The following RAB2A variants were observed in gnomAD, a reference collection of about 807,000 sequenced individuals.
RAB2A encodes the protein ras-related protein Rab-2A.
Under a neutral mutation model 32.5 loss-of-function variants are expected in RAB2A, and 7 were observed. The ratio of observed to expected loss-of-function variants is 0.22; its 90% CI spans 0.12 to 0.40. RAB2A has a LOEUF of 0.40. RAB2A is among the 10% of genes least tolerant of loss of function. RAB2A has a pLI of 1.00. For missense variants in RAB2A, 108 were observed against 260.7 expected, an observed-to-expected ratio of 0.41 and a Z score of 4.03; for synonymous variants, 79 against 85.2, an observed-to-expected ratio of 0.93 and a Z score of 0.40.
chr8:60,567,119 CTT>C (rs759099870), intron 2 of RAB2A, among the ~76,000 whole-genome samples: 25 of 139,246 alleles, frequency 1.8e-4, no homozygotes, highest in Admixed American at 2.2e-4. Flanking sequence ...TTCTTTTTTT[CTT>C]TTTTTTTTTT....
intron 1 of RAB2A, among the ~76,000 whole-genome samples, chr8:60,530,381 T>C (rs10957142): frequency 0.53 from 80,900 of 151,768 alleles, 24,419 homozygotes; most frequent in African/African-American, 0.83. Context: ...CCTGACCTCA[T>C]GTGATCTGCC....
chr8:60,549,837 T>A (rs73259438), intron 1 of RAB2A, among the ~76,000 whole-genome samples: 12,431 of 152,080 alleles, frequency 0.082, 1,550 homozygotes, highest in African/African-American at 0.27. Flanking sequence ...AAGTTGTTTT[T>A]TGGTAAAGAT....
At chr8:60,546,039 A>G (rs1180045138) in intron 1 of RAB2A, among the ~76,000 whole-genome samples, 1 of 152,234 alleles carries the variant, frequency 6.6e-6, no homozygotes, top group Non-Finnish European at 1.5e-5. Context: ...TGTTGTAAAA[A>G]CAGGCATTTA....
chr8:60,555,974 A>G (rs1807931747), intron 1 of RAB2A, among the ~76,000 whole-genome samples: 1 of 152,214 alleles, frequency 6.6e-6, no homozygotes, highest in Admixed American at 6.5e-5. Context: ...CCAGCAGTAG[A>G]TGAATGGATA....
rs1018907614 is a variant in RAB2A, at chr8:60,622,741, A to C, written c.*1972A>C. ...GGACATGCATTTTAATACCCTAAGG[A>C]AAAATGGAACCCTCAAATATAACTC... On this transcript the variant is annotated 3_prime_UTR_variant, in exon 8 of 8. Transcript: ENST00000262646. 2.6e-5 allele frequency: 4 copies of C among 152,210 alleles called. No homozygotes were observed. The highest frequency in any genetic ancestry group is 4.4e-5 in the Non-Finnish European group (3 of 68,032). The allele number at this position is 152,210 out of a possible 1,614,324, so 9.4% of individuals were successfully genotyped here.
intron 1 of RAB2A, among the ~76,000 whole-genome samples, chr8:60,542,673 T>C (rs540866092): frequency 2.0e-5 from 3 of 152,346 alleles, no homozygotes; most frequent in South Asian, 4.1e-4. Flanking sequence ...GGGGGTACTT[T>C]AATATTGTAA....
intron 1 of RAB2A, chr8:60,552,241 T>A (rs1807863677): frequency 6.6e-6 from 1 of 152,062 alleles, no homozygotes; most frequent in Admixed American, 6.6e-5. Flanking sequence ...GACCTCGTGA[T>A]CCACCCGCCT....
chr8:60,591,879 A>G lies in RAB2A; in HGVS notation c.384A>G (p.Glu128=). Residue 128 remains glutamate, a synonymous_variant, in exon 6 of 8, where the codon GAA becomes GAG. Coordinates refer to ENST00000262646, the MANE Select transcript of RAB2A (RefSeq NM_002865.3). The stretch of plus-strand genomic sequence containing the variant: ...TTAGTGATTTAGAATCTAGAAGAGA[A>G]GTAAAAAAAGAAGAAGGTGAAGCTT... ...GNKSDLESRR[E]VKKEEGEAFA... The G allele has an allele frequency of 1.2e-6, 2 of 1,610,792 alleles. No individual in the cohort carries two copies. Among genetic ancestry groups the G allele is most frequent in the Non-Finnish European group, 8.5e-7 (1 of 1,177,298 alleles).
intron 6 of RAB2A, among the ~76,000 whole-genome samples, chr8:60,598,114 C>A (rs141654715): frequency 1.7e-3 from 260 of 152,306 alleles, no homozygotes; most frequent in Non-Finnish European, 2.9e-3. Context: ...AGGAAAATCG[C>A]TTGAACCCAG....
intron 1 of RAB2A, among the ~76,000 whole-genome samples, chr8:60,536,202 T>G (rs996350646): frequency 6.6e-6 from 1 of 152,328 alleles, no homozygotes; most frequent in South Asian, 2.1e-4. Flanking sequence ...TTCAACAGGC[T>G]AACCAACATT....
intron 3 of RAB2A, among the ~76,000 whole-genome samples, chr8:60,574,300 T>G (rs184255181): frequency 1.5e-3 from 236 of 152,326 alleles, no homozygotes; most frequent in African/African-American, 5.4e-3. Context: ...CTTCTCAGAA[T>G]AAGCATTATG....
intron 3 of RAB2A, among the ~76,000 whole-genome samples, chr8:60,581,938 TTTTC>T (rs1446397030): frequency 2.1e-5 from 3 of 140,850 alleles, no homozygotes; most frequent in South Asian, 2.3e-4. Flanking sequence ...TTGTTGTTGT[TTTTC>T]TTTCTTTTTT....
At chr8:60,613,090 A>G (rs1262480611) in intron 6 of RAB2A, among the ~76,000 whole-genome samples, 4 of 152,228 alleles carry the variant, frequency 2.6e-5, no homozygotes. Context: ...TCTAAGTCTT[A>G]TTAAATATAT....
intron 1 of RAB2A, among the ~76,000 whole-genome samples, chr8:60,523,570 A>C (rs1807333639): frequency 6.6e-6 from 1 of 152,092 alleles, no homozygotes; most frequent in Non-Finnish European, 1.5e-5. Flanking sequence ...TGGATTCCTA[A>C]ACTGTATTAT....
chr8:60,526,425 TC>T (rs1454645649), intron 1 of RAB2A, among the ~76,000 whole-genome samples: 7 of 152,144 alleles, frequency 4.6e-5, no homozygotes, highest in Non-Finnish European at 1.0e-4. Flanking sequence ...TGTTGGGCCA[TC>T]CCAAGTCTCT....
At chr8:60,567,096 GT>G (rs925875262) in intron 2 of RAB2A, among the ~76,000 whole-genome samples, 3 of 149,816 alleles carry the variant, frequency 2.0e-5, no homozygotes, top group Non-Finnish European at 3.0e-5. Flanking sequence ...GCCAAAATAT[GT>G]TTTGTTCATC....
chr8:60,577,402 C>T (rs1803652279), intron 3 of RAB2A, among the ~76,000 whole-genome samples: 1 of 152,120 alleles, frequency 6.6e-6, no homozygotes, highest in Non-Finnish European at 1.5e-5. Flanking sequence ...TCAACTTGTG[C>T]TGTTTTTTCT....
intron 5 of RAB2A, among the ~76,000 whole-genome samples, chr8:60,590,749 T>C (rs955034651): frequency 6.6e-6 from 1 of 151,780 alleles, no homozygotes; most frequent in Non-Finnish European, 1.5e-5. Context: ...GCATGTATTA[T>C]ATGGATAAAT....
At chr8:60,588,070 T>C (rs1296494679) in intron 5 of RAB2A, among the ~76,000 whole-genome samples, 1 of 152,148 alleles carries the variant, frequency 6.6e-6, no homozygotes, top group Non-Finnish European at 1.5e-5. Flanking sequence ...CCTAGGAGTT[T>C]GAGACCAGCC....
Sources: gnomAD v4.1 joint callset for allele counts (sites outside exome capture counted in the v4.1 genomes callset) on GRCh38, gnomAD v4.1.1 for gene constraint, MANE v1.5 for transcripts, NCBI Gene and HGNC (gene_info 2026-07-23, HGNC 2026-07-21) for gene names.